CASK: variants seen among roughly 807,000 people sequenced by gnomAD.
The protein encoded by CASK is calcium/calmodulin dependent serine protein kinase.
A neutral mutation model predicts 82.9 loss-of-function variants in CASK; 4 were observed. The ratio of observed to expected loss-of-function variants is 0.05; its 90% CI spans 0.02 to 0.11. The LOEUF (loss-of-function observed/expected upper bound fraction) is 0.11. Among genes scored for constraint, CASK ranks in the 10% least tolerant of loss-of-function variants. The pLI is 1.00. For missense variants in CASK, 358 were observed against 720.9 expected (o/e 0.50, Z 5.76); for synonymous variants, 259 against 253.5 (o/e 1.02, Z -0.20).
chrX:41,589,891 T>C, intron 12 of CASK: 2 of 281,717 alleles, frequency 7.1e-6, no homozygotes, highest in Non-Finnish European at 1.3e-5. Context: ...GTTTGTTTCC[T>C]CTGACAGAAG....
In CASK at chrX:41,648,690, C is replaced by T. The variant is rs774744624; in HGVS notation, c.831+11749G>A. Reference sequence around the variant, plus strand: ...TACGTGATTATCGGGGCAAGTCCCCCGATAGATATTGGTCTAAAATTCTCC... The same window carrying T: ...TACGTGATTATCGGGGCAAGTCCCCTGATAGATATTGGTCTAAAATTCTCC... On this transcript the variant is annotated intron_variant, in intron 8 of 26. Coordinates refer to ENST00000378163, the MANE Select transcript of CASK (RefSeq NM_001367721.1). Among the ~76,000 whole-genome samples, 8 of 111,708 alleles carry T rather than the reference C, an allele frequency of 7.2e-5. No homozygotes were observed. In the South Asian group the frequency reaches 2.3e-3, roughly 31 times the overall value.
At chrX:41,591,577 C>T (rs1239747790) in intron 12 of CASK, among the ~76,000 whole-genome samples, 4 of 110,903 alleles carry the variant, frequency 3.6e-5, no homozygotes, top group African/African-American at 6.6e-5. Context: ...TCGGTTCGAG[C>T]GATTCTCCTG....
chrX:41,904,942 A>G (rs774251464), intron 1 of CASK, among the ~76,000 whole-genome samples: 16 of 112,259 alleles, frequency 1.4e-4, no homozygotes, highest in African/African-American at 4.2e-4. Flanking sequence ...TTATGGCTGC[A>G]TAGTATCCCA....
chrX:41,842,212 C>A (rs1014077334), intron 2 of CASK, among the ~76,000 whole-genome samples: 1 of 111,513 alleles, frequency 9.0e-6, no homozygotes, highest in Admixed American at 9.6e-5. Flanking sequence ...ATTGTTAATT[C>A]AATTTCATCA....
At chrX:41,535,804 C>T (rs1202495101) in intron 22 of CASK, among the ~76,000 whole-genome samples, 1 of 111,914 alleles carries the variant, frequency 8.9e-6, no homozygotes, top group Non-Finnish European at 1.9e-5. Flanking sequence ...TTTCTGAAAC[C>T]TGCCTCTTAA....
chrX:41,630,238 G>A (rs776308655), intron 9 of CASK, among the ~76,000 whole-genome samples: 5 of 111,895 alleles, frequency 4.5e-5, no homozygotes, highest in Non-Finnish European at 7.5e-5. Context: ...AGATGATTCT[G>A]TGTGGCATTT....
chrX:41,831,241 G>A (rs898901388), intron 2 of CASK, among the ~76,000 whole-genome samples: 1 of 111,477 alleles, frequency 9.0e-6, no homozygotes, highest in African/African-American at 3.3e-5. Flanking sequence ...AAGGGTGAGG[G>A]CTAACAGCTT....
chrX:41,579,344 G>A (rs987826497), intron 14 of CASK, among the ~76,000 whole-genome samples: 6 of 111,783 alleles, frequency 5.4e-5, no homozygotes, highest in Non-Finnish European at 1.1e-4. Flanking sequence ...ATTTTTTGGA[G>A]CACTTGTTTA....
At chrX:41,605,316 T>C (rs149884977) in intron 12 of CASK, among the ~76,000 whole-genome samples, 3,243 of 111,268 alleles carry the variant, frequency 0.029, 66 homozygotes, top group Middle Eastern at 0.047. Flanking sequence ...AAGGAATTCA[T>C]GCTGGGGCAA....
At chrX:41,664,650 T>C (rs967160606) in intron 7 of CASK, among the ~76,000 whole-genome samples, 4 of 112,159 alleles carry the variant, frequency 3.6e-5, no homozygotes, top group African/African-American at 1.3e-4. Flanking sequence ...TAAGCTTACT[T>C]ATTTCCAAGA....
At chrX:41,747,562 C>G in intron 3 of CASK, among the ~76,000 whole-genome samples, 1 of 111,628 alleles carries the variant, frequency 9.0e-6, no homozygotes, top group Admixed American at 9.5e-5. Context: ...CCCCAGCCTC[C>G]CAAGTAGCTG....
chrX:41,746,511 C>T (rs2068689968), intron 3 of CASK, among the ~76,000 whole-genome samples: 1 of 110,570 alleles, frequency 9.0e-6, no homozygotes, highest in Non-Finnish European at 1.9e-5. Context: ...AAACACCTCC[C>T]CCTCCCCCCA....
chrX:41,621,162 G>T (rs1368731845), intron 11 of CASK, among the ~76,000 whole-genome samples: 1 of 109,857 alleles, frequency 9.1e-6, no homozygotes, highest in Non-Finnish European at 1.9e-5. Context: ...TAGACGGGAA[G>T]AATCTTACAT....
At chrX:41,764,534 G>C (rs1169824776) in intron 3 of CASK, among the ~76,000 whole-genome samples, 1 of 111,650 alleles carries the variant, frequency 9.0e-6, no homozygotes, top group African/African-American at 3.3e-5. Flanking sequence ...TGCATCATCT[G>C]CTTCCAGGGT....
chrX:41,643,531 A>G (rs2066698829), intron 8 of CASK, among the ~76,000 whole-genome samples: 1 of 111,393 alleles, frequency 9.0e-6, no homozygotes, highest in Non-Finnish European at 1.9e-5. Flanking sequence ...TTCTCTTTGA[A>G]GCAATTGTGA....
chrX:41,628,439 G>T (rs893332312), intron 9 of CASK, among the ~76,000 whole-genome samples: 1 of 111,084 alleles, frequency 9.0e-6, no homozygotes, highest in Non-Finnish European at 1.9e-5. Flanking sequence ...AAGTAGCTGG[G>T]ACTACAGGCG....
intron 2 of CASK, among the ~76,000 whole-genome samples, chrX:41,838,746 C>T (rs1425534563): frequency 9.1e-6 from 1 of 109,394 alleles, no homozygotes; most frequent in Non-Finnish European, 1.9e-5. Flanking sequence ...GGCGACAGAG[C>T]GAGACTCTGT....
At chrX:41,643,711 A>G (rs1315764014) in intron 8 of CASK, among the ~76,000 whole-genome samples, 2 of 111,957 alleles carry the variant, frequency 1.8e-5, no homozygotes, top group Admixed American at 9.5e-5. Flanking sequence ...CAATCATGTC[A>G]TCTGCAAACA....
chrX:41,681,310 A>G (rs1024103573), intron 5 of CASK, among the ~76,000 whole-genome samples: 8 of 112,424 alleles, frequency 7.1e-5, no homozygotes, highest in African/African-American at 2.6e-4. Flanking sequence ...AATTTATCAA[A>G]ACTTACACCT....
Sources: allele counts gnomAD v4.1 joint callset (sites outside exome capture counted in the v4.1 genomes callset), GRCh38; gene constraint gnomAD v4.1.1; transcripts MANE v1.5; gene names NCBI Gene and HGNC (gene_info 2026-07-23, HGNC 2026-07-21).